RNF180: variants seen among roughly 807,000 people sequenced by gnomAD.
RNF180 encodes E3 ubiquitin-protein ligase RNF180.
RNF180 carries 38 observed loss-of-function variants against 59.2 expected under a neutral mutation model. The observed-to-expected ratio is 0.64, with a 90% confidence interval of 0.50 to 0.84. The LOEUF (loss-of-function observed/expected upper bound fraction) is 0.84, where lower values mean the gene tolerates loss of function less well. RNF180 is among the 40% of genes least tolerant of loss of function. RNF180 has a pLI of 0.00. For missense variants in RNF180, 705 were observed against 700.9 expected, an observed-to-expected ratio of 1.01 and a Z score of -0.07; for synonymous variants, 262 against 240.3, an observed-to-expected ratio of 1.09 and a Z score of -0.84.
intron 7 of RNF180, among the ~76,000 whole-genome samples, chr5:64,352,919 C>G (rs1035388580): frequency 1.3e-5 from 2 of 151,784 alleles, no homozygotes; most frequent in Non-Finnish European, 2.9e-5. Flanking sequence ...AAGCTACGGC[C>G]TTCTTTTTTT....
At chr5:64,327,468 T>C (rs2463058) in intron 6 of RNF180, among the ~76,000 whole-genome samples, 1 of 152,178 alleles carries the variant, frequency 6.6e-6, no homozygotes, top group Non-Finnish European at 1.5e-5. Flanking sequence ...CTGTAGCTTT[T>C]GGCGTATTAT....
intron 1 of RNF180, among the ~76,000 whole-genome samples, chr5:64,189,897 GA>G (rs1751050770): frequency 6.6e-6 from 1 of 152,294 alleles, no homozygotes; most frequent in African/African-American, 2.4e-5. Flanking sequence ...GGATTCTACA[GA>G]AAAGGACCAT....
Position 64,370,852 on chromosome 5 carries a change from T to G in RNF180, c.*1038T>G, listed in dbSNP as rs536837213. On this transcript the variant is annotated 3_prime_UTR_variant, in exon 8 of 8. Transcript: ENST00000389100. ...TATTCAGTTATTCTGGTGGTCTTTG[T>G]GAAACCTGGGACAAAGTTTTTATTA... 1.3e-5 allele frequency: 2 copies of G among 151,744 alleles called. No individual in the cohort carries two copies. Among genetic ancestry groups the G allele is most frequent in the East Asian group, 3.9e-4 (2 of 5,122 alleles). 9.4% of individuals were successfully genotyped at this position (151,744 alleles called of 1,614,324 possible).
intron 1 of RNF180, among the ~76,000 whole-genome samples, chr5:64,191,629 T>C (rs1451272194): frequency 1.3e-5 from 2 of 152,238 alleles, no homozygotes; most frequent in Admixed American, 6.5e-5. Flanking sequence ...TAAAGACTAA[T>C]ATGTCAGTGT....
chr5:64,227,781 AAACTT>A (rs1207226067), intron 5 of RNF180, among the ~76,000 whole-genome samples: 1 of 152,240 alleles, frequency 6.6e-6, no homozygotes, highest in African/African-American at 2.4e-5. Context: ...TTTGTACACT[AAACTT>A]TTAAGAAATA....
chr5:64,370,129 T>C lies in RNF180; in HGVS notation c.*315T>C, dbSNP rs184531703. 2.4e-5 allele frequency: 4 copies of C among 169,282 alleles called. No homozygotes were observed. In the East Asian group the frequency reaches 6.4e-4, roughly 27 times the overall value. 10.5% of individuals were successfully genotyped at this position (169,282 alleles called of 1,614,324 possible). A position where few individuals can be genotyped will look rare whatever the true frequency, so the allele number is the denominator to read the frequency against. The stretch of plus-strand genomic sequence containing the variant: ...ATTTTGATTGTAAAAAACTGAAGTT[T>C]TCTCTCCACTTAAAAATAGTAAAAA... On this transcript the variant is annotated 3_prime_UTR_variant, in exon 8 of 8. Transcript: ENST00000389100.
intron 7 of RNF180, among the ~76,000 whole-genome samples, chr5:64,359,219 C>T (rs1001083902): frequency 6.2e-4 from 94 of 150,810 alleles, no homozygotes; most frequent in African/African-American, 2.3e-3. Context: ...CACTGACTTC[C>T]ACAATGGTTG....
At chr5:64,360,780 G>A (rs1384308744) in intron 7 of RNF180, among the ~76,000 whole-genome samples, 1 of 151,682 alleles carries the variant, frequency 6.6e-6, no homozygotes, top group Non-Finnish European at 1.5e-5. Context: ...AGAGACAAAG[G>A]ATGGTTTGTT....
chr5:64,235,084 C>T (rs1348868697), intron 5 of RNF180, among the ~76,000 whole-genome samples: 1 of 151,932 alleles, frequency 6.6e-6, no homozygotes, highest in Non-Finnish European at 1.5e-5. Context: ...TGAGACCAGC[C>T]CTGGCCATGT....
At chr5:64,197,434 T>G (rs1751511089) in intron 1 of RNF180, among the ~76,000 whole-genome samples, 1 of 152,218 alleles carries the variant, frequency 6.6e-6, no homozygotes, top group Non-Finnish European at 1.5e-5. Flanking sequence ...TTTTTCACTG[T>G]ATTGACATTT....
intron 5 of RNF180, among the ~76,000 whole-genome samples, chr5:64,275,449 G>C (rs1741662012): frequency 6.6e-6 from 1 of 151,096 alleles, no homozygotes; most frequent in African/African-American, 2.4e-5. Context: ...GAGGTTAAAT[G>C]ATATAATGAA....
At chr5:64,210,442 A>T (rs1752253934) in intron 2 of RNF180, among the ~76,000 whole-genome samples, 1 of 152,134 alleles carries the variant, frequency 6.6e-6, no homozygotes, top group African/African-American at 2.4e-5. Context: ...ATTATCAATG[A>T]TTGAATGTGC....
At chr5:64,340,703 G>A (rs1467259015) in intron 7 of RNF180, among the ~76,000 whole-genome samples, 1 of 151,932 alleles carries the variant, frequency 6.6e-6, no homozygotes, top group African/African-American at 2.4e-5. Context: ...TTTTGAAAAG[G>A]CCTGCAAATT....
chr5:64,304,627 T>A (rs1384463636), intron 5 of RNF180, among the ~76,000 whole-genome samples: 1 of 151,604 alleles, frequency 6.6e-6, no homozygotes, highest in Non-Finnish European at 1.5e-5. Flanking sequence ...TGATACAATT[T>A]GAAAAATGAG....
chr5:64,218,822 GTTA>G (rs1160139394), intron 5 of RNF180, among the ~76,000 whole-genome samples: 1 of 152,068 alleles, frequency 6.6e-6, no homozygotes, highest in Non-Finnish European at 1.5e-5. Flanking sequence ...TTTGAGAGGA[GTTA>G]TTGTTATTTA....
At chr5:64,192,903 G>GTGTATATATATATA (rs1486448173) in intron 1 of RNF180, among the ~76,000 whole-genome samples, 5 of 93,870 alleles carry the variant, frequency 5.3e-5, no homozygotes, top group African/African-American at 2.1e-4. Context: ...AGTGTGGCAT[G>GTGTATATATATATA]TATATATATA....
intron 4 of RNF180, among the ~76,000 whole-genome samples, chr5:64,217,067 T>G (rs1017859658): frequency 6.6e-6 from 1 of 152,224 alleles, no homozygotes; most frequent in Non-Finnish European, 1.5e-5. Flanking sequence ...TTTTTGATAA[T>G]GTTGTAAAAT....
chr5:64,233,719 C>G (rs995412447), intron 5 of RNF180, among the ~76,000 whole-genome samples: 1 of 152,188 alleles, frequency 6.6e-6, no homozygotes, highest in East Asian at 1.9e-4. Flanking sequence ...AACAAACTTG[C>G]TTTCACTTAC....
In RNF180 at chr5:64,213,850, C is replaced by G. The variant is rs760022074; in HGVS notation, c.524C>G (p.Pro175Arg). The G allele has an allele frequency of 3.7e-6, 6 of 1,614,104 alleles. No homozygotes were observed. Among genetic ancestry groups the G allele is most frequent in the East Asian group, 2.2e-5 (1 of 44,876 alleles). Residue 175 changes from proline to arginine, a missense_variant, in exon 4 of 8, where the codon CCT becomes CGT. Pro to Arg is a moderately radical substitution (Grantham distance 103). Coordinates refer to ENST00000389100, the MANE Select transcript of RNF180 (RefSeq NM_001113561.2). ...LLNMARNNND[P>R]GRLTEALCLE... ...AACATGGCCCGAAATAATAATGACC[C>G]TGGAAGATTAACAGAAGCACTCTGC... is the stretch of plus-strand genomic sequence containing the variant.
Sources: gnomAD v4.1 joint callset for allele counts (sites outside exome capture counted in the v4.1 genomes callset) on GRCh38, gnomAD v4.1.1 for gene constraint, MANE v1.5 for transcripts, NCBI Gene and HGNC (gene_info 2026-07-23, HGNC 2026-07-21) for gene names.